Variants in PDE1A observed in about 807,000 individuals in gnomAD.
PDE1A encodes dual specificity calcium/calmodulin-dependent 3',5'-cyclic nucleotide phosphodiesterase 1A.
PDE1A carries 35 observed loss-of-function variants against 61.7 expected under a neutral mutation model. That is an observed-to-expected ratio of 0.57 (90% confidence interval 0.43 to 0.75). The LOEUF is 0.75. PDE1A is among the 30% of genes least tolerant of loss of function. The probability of loss-of-function intolerance (pLI) is 0.00; values close to 1 mark genes in which losing one functional copy is unlikely to be tolerated. For missense variants in PDE1A, 597 were observed against 630.6 expected, an observed-to-expected ratio of 0.95 and a Z score of 0.57; for synonymous variants, 232 against 213.2, an observed-to-expected ratio of 1.09 and a Z score of -0.77.
intron 1 of PDE1A, among the ~76,000 whole-genome samples, chr2:182,268,960 C>G (rs1039261910): frequency 1.3e-5 from 2 of 151,940 alleles, no homozygotes; most frequent in Non-Finnish European, 2.9e-5. Context: ...GGCATGCAAA[C>G]AAGCAGAAAA....
chr2:182,668,447 C>CA, the PDE1A span, among the ~76,000 whole-genome samples: 74 of 149,810 alleles, frequency 4.9e-4, no homozygotes, highest in Middle Eastern at 0.014. Flanking sequence ...GAAAAAAAGG[C>CA]AAAAAAAACC....
intron 7 of PDE1A, among the ~76,000 whole-genome samples, chr2:182,211,526 T>G (rs1376618502): frequency 6.6e-6 from 1 of 152,210 alleles, no homozygotes; most frequent in Non-Finnish European, 1.5e-5. Context: ...ATACAAACTT[T>G]AGAATCACTT....
intron 2 of PDE1A, among the ~76,000 whole-genome samples, chr2:182,438,794 CA>C (rs1275456757): frequency 1.3e-5 from 2 of 151,908 alleles, no homozygotes; most frequent in Non-Finnish European, 2.9e-5. Context: ...AGACTATATC[CA>C]ATAGGCAATG....
the PDE1A span, among the ~76,000 whole-genome samples, chr2:182,564,413 C>T: frequency 3.3e-5 from 5 of 152,160 alleles, no homozygotes; most frequent in African/African-American, 1.2e-4. Flanking sequence ...AGAGTTTCTG[C>T]CGAGAGATCT....
intron 2 of PDE1A, among the ~76,000 whole-genome samples, chr2:182,443,632 C>T (rs1483841301): frequency 6.6e-6 from 1 of 151,944 alleles, no homozygotes; most frequent in African/African-American, 2.4e-5. Context: ...GTATGGCCTC[C>T]CCAGCCATGC....
At chr2:182,235,166 CAG>C (rs1249992931) in intron 3 of PDE1A, among the ~76,000 whole-genome samples, 1 of 152,092 alleles carries the variant, frequency 6.6e-6, no homozygotes, top group Non-Finnish European at 1.5e-5. Flanking sequence ...CTTTTTGAGA[CAG>C]AGTCTCGCTC....
chr2:182,201,655 A>AC lies in PDE1A; in HGVS notation c.1004+32_1004+33insG, dbSNP rs766436241. The stretch of plus-strand genomic sequence containing the variant: ...CCCCTGGAACTTTAACATGACAAAA[A>AC]AAAAAAAACAACAAAAAAAACACAA... On this transcript the variant is annotated intron_variant, in intron 9 of 13. Transcript: ENST00000351439. 512 of 1,550,182 alleles carry AC rather than the reference A, an allele frequency of 3.3e-4. 10 individuals carry two copies. The Middle Eastern group carries it at 5.0e-3, about 15-fold the overall frequency.
intron 1 of PDE1A, among the ~76,000 whole-genome samples, chr2:182,306,647 C>A (rs998956245): frequency 6.6e-6 from 1 of 151,914 alleles, no homozygotes; most frequent in African/African-American, 2.4e-5. Flanking sequence ...AAGAAAGAAC[C>A]AAGAAATGAA....
intron 9 of PDE1A, 31 bp from the exon 10 acceptor site, chr2:182,201,590 C>T: frequency 1.3e-6 from 2 of 1,547,106 alleles, no homozygotes; most frequent in Non-Finnish European, 1.7e-6. Flanking sequence ...TTATATTATT[C>T]AAAACAAAGG....
intron 1 of PDE1A, among the ~76,000 whole-genome samples, chr2:182,352,642 C>T (rs1458236537): frequency 1.3e-5 from 2 of 149,908 alleles, no homozygotes; most frequent in Non-Finnish European, 3.0e-5. Context: ...GAAAGTGATG[C>T]TCACTCTGTT....
chr2:182,361,942 A>G (rs2125172960), intron 1 of PDE1A, among the ~76,000 whole-genome samples: 1 of 152,164 alleles, frequency 6.6e-6, no homozygotes, highest in Non-Finnish European at 1.5e-5. Flanking sequence ...CCATCTACCA[A>G]GCAAAAGGAA....
the PDE1A span, among the ~76,000 whole-genome samples, chr2:182,586,855 A>G: frequency 6.6e-6 from 1 of 152,226 alleles, no homozygotes; most frequent in Non-Finnish European, 1.5e-5. Context: ...TACAATAGTA[A>G]GAAAGATACA....
chr2:182,174,145 T>G (rs1269452234), intron 13 of PDE1A, among the ~76,000 whole-genome samples: 2 of 151,958 alleles, frequency 1.3e-5, no homozygotes, highest in Non-Finnish European at 2.9e-5. Context: ...TGGGGTGGGG[T>G]GCCAAGGCTA....
At chr2:182,249,741 C>G (rs1897471) in intron 2 of PDE1A, among the ~76,000 whole-genome samples, 3 of 15,066 alleles carry the variant, frequency 2.0e-4, no homozygotes, top group Non-Finnish European at 3.8e-4. Context: ...ACCCCCCCCC[C>G]AAAAAAAACA....
intron 1 of PDE1A, among the ~76,000 whole-genome samples, chr2:182,387,234 G>T (rs891444738): frequency 3.3e-5 from 5 of 152,098 alleles, no homozygotes; most frequent in African/African-American, 1.2e-4. Flanking sequence ...CTCGTTAAGA[G>T]TCATCACCAC....
At chr2:182,481,041 G>A (rs1687669684) in intron 2 of PDE1A, among the ~76,000 whole-genome samples, 2 of 151,872 alleles carry the variant, frequency 1.3e-5, no homozygotes, top group South Asian at 4.1e-4. Context: ...TGCACTTCGA[G>A]TTTGCAGAGG....
chr2:182,636,345 G>T, the PDE1A span, among the ~76,000 whole-genome samples: 62 of 151,752 alleles, frequency 4.1e-4, 1 homozygote, highest in South Asian at 1.3e-3. Context: ...ATTCACTGGG[G>T]TTTTTTTTCT....
At chr2:182,144,000 G>A (rs948857864), downstream of PDE1A, among the ~76,000 whole-genome samples, 3 of 152,132 alleles carry the variant, frequency 2.0e-5, no homozygotes, top group African/African-American at 7.2e-5. Flanking sequence ...AGTTAAGTGG[G>A]CCAGTGTGAG....
At chr2:182,449,049 T>C (rs371501303) in intron 2 of PDE1A, among the ~76,000 whole-genome samples, 37 of 90,594 alleles carry the variant, frequency 4.1e-4, no homozygotes, top group South Asian at 9.6e-4. Flanking sequence ...ATCATACACA[T>C]ACACACACAC....
Sources: allele counts gnomAD v4.1 joint callset (sites outside exome capture counted in the v4.1 genomes callset), GRCh38; gene constraint gnomAD v4.1.1; transcripts MANE v1.5; gene names NCBI Gene and HGNC (gene_info 2026-07-23, HGNC 2026-07-21).